The following GTF2A2 variants were observed in gnomAD, a reference collection of about 807,000 sequenced individuals.
GTF2A2 encodes the protein transcription initiation factor IIA subunit 2.
In GTF2A2, 9 loss-of-function variants were observed where a neutral mutation model predicts 14.3. The ratio of observed to expected loss-of-function variants is 0.63; its 90% confidence interval spans 0.38 to 1.10. GTF2A2 has a LOEUF of 1.10. Ranked by LOEUF, GTF2A2 falls within the 50% of genes least tolerant of loss-of-function variation. The pLI, the probability that GTF2A2 is intolerant of heterozygous loss-of-function variation, is 0.01. For synonymous variants in GTF2A2, 56 were observed against 46.0 expected (o/e 1.22, Z -0.88); for missense variants, 90 against 124.6 (o/e 0.72, Z 1.32).
chr15:59,647,132 A>T (rs74770990), intron 3 of GTF2A2, among the ~76,000 whole-genome samples: 1 of 152,136 alleles, frequency 6.6e-6, no homozygotes, highest in South Asian at 2.1e-4. Context: ...TAGCTGTGTC[A>T]CCCAGGCTGA....
At chr15:59,643,375 A>G (rs1308814698) in intron 3 of GTF2A2, among the ~76,000 whole-genome samples, 7 of 151,424 alleles carry the variant, frequency 4.6e-5, no homozygotes, top group Admixed American at 2.0e-4. Flanking sequence ...TCACTGCACC[A>G]GCCTATTTTA....
At chr15:59,639,282 G>GGGAAGAACAGGA in intron 4 of GTF2A2, 125 bp from the exon 5 acceptor site, 1 of 690,880 alleles carries the variant, frequency 1.4e-6, no homozygotes. Flanking sequence ...TTGCAGGGTG[G>GGGAAGAACAGGA]GGAAGAACAG....
At chr15:59,642,031 T>C (rs1891446218) in intron 4 of GTF2A2, 105 bp downstream of exon 4, 3 of 919,496 alleles carry the variant, frequency 3.3e-6, no homozygotes, top group South Asian at 1.8e-5. Context: ...GAATTGATCA[T>C]AGGGCCATTT....
At chr15:59,646,354 C>T (rs1282716975) in intron 3 of GTF2A2, among the ~76,000 whole-genome samples, 4 of 152,190 alleles carry the variant, frequency 2.6e-5, no homozygotes, top group African/African-American at 9.7e-5. Context: ...CTGTACCTTG[C>T]CTTACTTTCT....
At chr15:59,643,148 T>C (rs12909005) in intron 3 of GTF2A2, among the ~76,000 whole-genome samples, 81,375 of 144,206 alleles carry the variant, frequency 0.56, 23,687 homozygotes, top group Middle Eastern at 0.65. Flanking sequence ...GGTGAGATCT[T>C]GGATCACTGC....
At chr15:59,641,496 T>C (rs774540245) in intron 4 of GTF2A2, among the ~76,000 whole-genome samples, 1 of 152,186 alleles carries the variant, frequency 6.6e-6, no homozygotes, top group Non-Finnish European at 1.5e-5. Flanking sequence ...TCTTTTCTAT[T>C]TACTTTCTGG....
chr15:59,655,071 A>G (rs558773816), intron 1 of GTF2A2, among the ~76,000 whole-genome samples: 3 of 152,300 alleles, frequency 2.0e-5, no homozygotes, highest in Middle Eastern at 3.4e-3. Flanking sequence ...CTACCTTTGT[A>G]TCAGGCATTG....
rs1891238728 is a variant in GTF2A2 at position 59,638,073 on chromosome 15, A to G, written c.*1059T>C. ...ATGCATAGAATGAATTGGAAGATGA[A>G]ACAATTTTATTTTCTTTGTAGGGAC... On this transcript the variant is annotated 3_prime_UTR_variant, in exon 5 of 5. Transcript: ENST00000396060. 2 of 152,168 alleles carry G rather than the reference A, an allele frequency of 1.3e-5. No individual in the cohort carries two copies. The highest frequency in any genetic ancestry group is 2.9e-5 in the Non-Finnish European group (2 of 68,044). 9.4% of individuals were successfully genotyped at this position (152,168 alleles called of 1,614,324 possible). A position where few individuals can be genotyped will look rare whatever the true frequency, so the allele number is the denominator to read the frequency against.
chr15:59,639,325 T>C (rs530023164), intron 4 of GTF2A2, among the ~76,000 whole-genome samples, 168 bp from the exon 5 acceptor site: 2 of 152,076 alleles, frequency 1.3e-5, no homozygotes, highest in African/African-American at 4.8e-5. Context: ...ATGTTGAACT[T>C]CAGTAAGTTT....
At chr15:59,646,421 G>A (rs545466289) in intron 3 of GTF2A2, among the ~76,000 whole-genome samples, 1 of 152,100 alleles carries the variant, frequency 6.6e-6, no homozygotes, top group Non-Finnish European at 1.5e-5. Flanking sequence ...TTTCCCCAAA[G>A]TTCCCAAAGT....
chr15:59,651,570 A>G (rs1326112870), intron 2 of GTF2A2: 1 of 152,248 alleles, frequency 6.6e-6, no homozygotes, highest in Admixed American at 6.5e-5. Context: ...AAATCTCAGA[A>G]GACTTAAATT....
chr15:59,652,409 T>G (rs530685593), intron 1 of GTF2A2, 83 bp from the exon 2 acceptor site: 21 of 591,942 alleles, frequency 3.5e-5, no homozygotes, highest in South Asian at 6.3e-5. Flanking sequence ...ACCTCAAATA[T>G]TCTAATATAG....
chr15:59,640,843 AAGACCCAAATATTGTTCCTTGCTG>A (rs33991682), intron 4 of GTF2A2, among the ~76,000 whole-genome samples: 134,586 of 152,010 alleles, frequency 0.89, 60,297 homozygotes, highest in Non-Finnish European at 0.96. Flanking sequence ...GAATTTAAAA[AAGACCCAAATATTGTTCCTTGCTG>A]TAATGACAAA....
At chr15:59,640,753 T>G (rs1365722439) in intron 4 of GTF2A2, among the ~76,000 whole-genome samples, 2 of 152,172 alleles carry the variant, frequency 1.3e-5, no homozygotes, top group African/African-American at 4.8e-5. Context: ...TGCTGTTACC[T>G]TAAATATGAA....
At chr15:59,641,550 TTAAAA>T (rs534076248) in intron 4 of GTF2A2, among the ~76,000 whole-genome samples, 35 of 152,180 alleles carry the variant, frequency 2.3e-4, no homozygotes, top group African/African-American at 8.0e-4. Context: ...TGAAGTATAT[TTAAAA>T]TAATATAATT....
At chr15:59,654,932 C>CA (rs1241606341) in intron 1 of GTF2A2, among the ~76,000 whole-genome samples, 1 of 152,170 alleles carries the variant, frequency 6.6e-6, no homozygotes, top group Non-Finnish European at 1.5e-5. Context: ...CTTTCAGTGT[C>CA]ATGTTGGTGC....
intron 4 of GTF2A2, among the ~76,000 whole-genome samples, chr15:59,641,055 T>C (rs1250437271): frequency 2.0e-5 from 3 of 152,166 alleles, no homozygotes; most frequent in African/African-American, 7.2e-5. Context: ...TAATTTTATA[T>C]AGCTACTAAA....
intron 1 of GTF2A2, chr15:59,657,066 T>A (rs1270313317): frequency 6.6e-6 from 1 of 152,344 alleles, no homozygotes; most frequent in South Asian, 2.1e-4. Flanking sequence ...ATTTAAAAAA[T>A]GCTCTCCGAA....
At chr15:59,649,978 CAT>C (rs761782912) in intron 3 of GTF2A2, among the ~76,000 whole-genome samples, 3 of 152,224 alleles carry the variant, frequency 2.0e-5, no homozygotes. Context: ...ACAATATAAA[CAT>C]AAAGTTAGAT....
Sources: gnomAD v4.1 joint callset for allele counts (sites outside exome capture counted in the v4.1 genomes callset) on GRCh38, gnomAD v4.1.1 for gene constraint, MANE v1.5 for transcripts, NCBI Gene and HGNC (gene_info 2026-07-23, HGNC 2026-07-21) for gene names.